The following CDH8 variants were observed in gnomAD, a reference collection of about 807,000 sequenced individuals.
CDH8 encodes the protein cadherin-8.
CDH8 carries 17 observed loss-of-function variants against 68.1 expected under a neutral mutation model. That is an observed-to-expected ratio of 0.25 (90% CI 0.17 to 0.37). CDH8 has a LOEUF of 0.37. Among genes scored for constraint, CDH8 ranks in the 10% least tolerant of loss-of-function variants. CDH8 has a pLI of 1.00. For missense variants in CDH8, 763 were observed against 999.3 expected (o/e 0.76, Z 3.19); for synonymous variants, 372 against 365.1 (o/e 1.02, Z -0.21).
intron 4 of CDH8, 71 bp downstream of exon 4, chr16:61,857,048 C>G (rs1170360371): frequency 1.3e-6 from 2 of 1,569,238 alleles, no homozygotes; most frequent in East Asian, 4.5e-5. Context: ...ATTTCATAAC[C>G]CAAATCCCAA....
At chr16:61,913,369 C>G (rs1188988719) in intron 2 of CDH8, among the ~76,000 whole-genome samples, 1 of 152,084 alleles carries the variant, frequency 6.6e-6, no homozygotes, top group African/African-American at 2.4e-5. Context: ...AATTTGTCAT[C>G]TAGATTATTT....
intron 2 of CDH8, among the ~76,000 whole-genome samples, chr16:62,009,238 G>A (rs981564715): frequency 6.6e-6 from 1 of 152,256 alleles, no homozygotes; most frequent in Admixed American, 6.5e-5. Context: ...TGGCCAAGGT[G>A]CACCAGTAGC....
chr16:61,848,586 C>A (rs762020104), intron 4 of CDH8, among the ~76,000 whole-genome samples: 5 of 151,346 alleles, frequency 3.3e-5, no homozygotes, highest in Non-Finnish European at 5.9e-5. Flanking sequence ...CCACAGAAGA[C>A]AACAAATGGG....
At chr16:61,960,805 A>G (rs1227165670) in intron 2 of CDH8, among the ~76,000 whole-genome samples, 2 of 152,078 alleles carry the variant, frequency 1.3e-5, no homozygotes, top group Non-Finnish European at 2.9e-5. Context: ...CATCCTTTTA[A>G]AAAAATATAT....
At chr16:62,001,197 C>T (rs1029066149) in intron 2 of CDH8, among the ~76,000 whole-genome samples, 1 of 152,268 alleles carries the variant, frequency 6.6e-6, no homozygotes, top group African/African-American at 2.4e-5. Context: ...TGACCACCTA[C>T]ATGGAGAAGA....
intron 2 of CDH8, among the ~76,000 whole-genome samples, chr16:61,941,117 T>A (rs2143536870): frequency 6.6e-6 from 1 of 152,334 alleles, no homozygotes; most frequent in African/African-American, 2.4e-5. Flanking sequence ...CCAACAATTG[T>A]CACAATCCAC....
chr16:61,742,277 A>C (rs1284996049), intron 8 of CDH8, among the ~76,000 whole-genome samples: 1 of 152,108 alleles, frequency 6.6e-6, no homozygotes, highest in Non-Finnish European at 1.5e-5. Flanking sequence ...TTTGTACTCA[A>C]TCATGTTGAT....
intron 2 of CDH8, among the ~76,000 whole-genome samples, chr16:61,988,367 A>G (rs1010003370): frequency 1.3e-5 from 2 of 152,218 alleles, no homozygotes; most frequent in African/African-American, 2.4e-5. Context: ...CAGAATTAAT[A>G]TGCAAGTCAG....
chr16:61,773,626 G>C (rs1160004242), intron 8 of CDH8, among the ~76,000 whole-genome samples: 3 of 151,708 alleles, frequency 2.0e-5, no homozygotes, highest in African/African-American at 7.3e-5. Context: ...TTCCTCCAAG[G>C]ATTTCAGTGC....
At chr16:61,915,843 G>A (rs1328004157) in intron 2 of CDH8, among the ~76,000 whole-genome samples, 1 of 152,102 alleles carries the variant, frequency 6.6e-6, no homozygotes, top group Non-Finnish European at 1.5e-5. Flanking sequence ...ATAAGCTTTT[G>A]GGAAATCTAG....
chr16:61,958,585 T>A (rs1965024761), intron 2 of CDH8, among the ~76,000 whole-genome samples: 1 of 152,164 alleles, frequency 6.6e-6, no homozygotes, highest in South Asian at 2.1e-4. Context: ...GGAGTCAAAT[T>A]TCTCTAAAGC....
intron 2 of CDH8, among the ~76,000 whole-genome samples, chr16:61,971,290 G>T (rs1965336834): frequency 6.6e-6 from 1 of 152,078 alleles, no homozygotes; most frequent in South Asian, 2.1e-4. Flanking sequence ...CCCCACTTCA[G>T]ATGTCAGTCA....
chr16:61,671,496 T>C (rs1351438867), intron 10 of CDH8, among the ~76,000 whole-genome samples: 1 of 151,032 alleles, frequency 6.6e-6, no homozygotes, highest in East Asian at 1.9e-4. Flanking sequence ...TGCAAGGAAA[T>C]GTGGTATCCT....
intron 2 of CDH8, among the ~76,000 whole-genome samples, chr16:61,913,035 A>G (rs1487627661): frequency 6.6e-6 from 1 of 152,170 alleles, no homozygotes; most frequent in Admixed American, 6.6e-5. Flanking sequence ...GGGTATGATA[A>G]GTACAAGTTG....
At chr16:61,677,115 C>T (rs981983653) in intron 10 of CDH8, among the ~76,000 whole-genome samples, 5 of 151,740 alleles carry the variant, frequency 3.3e-5, no homozygotes, top group African/African-American at 1.2e-4. Flanking sequence ...TGGAAGATAG[C>T]CTGGAAAATT....
At chr16:61,844,583 A>C (rs1962764898) in intron 4 of CDH8, among the ~76,000 whole-genome samples, 1 of 152,196 alleles carries the variant, frequency 6.6e-6, no homozygotes, top group Admixed American at 6.5e-5. Flanking sequence ...AAATGTAAAT[A>C]AGGCAATTCC....
intron 8 of CDH8, among the ~76,000 whole-genome samples, chr16:61,749,266 T>C (rs1332348708): frequency 2.6e-5 from 4 of 152,032 alleles, no homozygotes; most frequent in African/African-American, 7.2e-5. Context: ...ATAAGAACCA[T>C]AGTGGTAAAA....
chr16:61,998,299 A>T (rs1445257001), intron 2 of CDH8, among the ~76,000 whole-genome samples: 1 of 152,200 alleles, frequency 6.6e-6, no homozygotes, highest in Non-Finnish European at 1.5e-5. Context: ...ATTATATCCC[A>T]ATAAAATGTG....
chr16:61,949,407 G>C (rs1252727228), intron 2 of CDH8, among the ~76,000 whole-genome samples: 1 of 152,102 alleles, frequency 6.6e-6, no homozygotes, highest in Non-Finnish European at 1.5e-5. Context: ...AGTGGGTGGG[G>C]ACAAATAAGA....
Sources: gnomAD v4.1 joint callset for allele counts (sites outside exome capture counted in the v4.1 genomes callset) on GRCh38, gnomAD v4.1.1 for gene constraint, MANE v1.5 for transcripts, NCBI Gene and HGNC (gene_info 2026-07-23, HGNC 2026-07-21) for gene names.